The following FGF13 variants were observed in gnomAD, a reference collection of about 807,000 sequenced individuals.
The protein encoded by FGF13 is fibroblast growth factor 13, also known as fibroblast growth factor homologous factor 2.
A neutral mutation model predicts 19.5 loss-of-function variants in FGF13; 2 were observed. That is an observed-to-expected ratio of 0.10 (90% CI 0.04 to 0.32). FGF13 has a LOEUF of 0.32. FGF13 is among the 10% of genes least tolerant of loss of function. The pLI, the probability that FGF13 is intolerant of heterozygous loss-of-function variation, is 1.00. For missense variants in FGF13, 113 were observed against 192.7 expected (o/e 0.59, Z 2.45); for synonymous variants, 72 against 76.9 (o/e 0.94, Z 0.33).
intron 3 of FGF13, among the ~76,000 whole-genome samples, chrX:138,845,221 T>G (rs183179955): frequency 1.8e-5 from 2 of 111,835 alleles, no homozygotes; most frequent in East Asian, 5.7e-4. Context: ...GTTCTAAGTC[T>G]GCTTTCCTGC....
chrX:138,692,720 ATGTG>A (rs780289338), intron 3 of FGF13, among the ~76,000 whole-genome samples: 4 of 108,655 alleles, frequency 3.7e-5, no homozygotes, highest in African/African-American at 1.3e-4. Flanking sequence ...GCATGTGTGT[ATGTG>A]TGTGTGTGTG....
chrX:139,102,323 A>G (rs1006785504), intron 1 of FGF13, among the ~76,000 whole-genome samples: 1 of 111,634 alleles, frequency 9.0e-6, no homozygotes, highest in Non-Finnish European at 1.9e-5. Context: ...CTGCAAAATG[A>G]GAATGATGCT....
chrX:138,837,741 G>A (rs1365240200), intron 3 of FGF13, among the ~76,000 whole-genome samples: 1 of 111,870 alleles, frequency 8.9e-6, no homozygotes, highest in Non-Finnish European at 1.9e-5. Flanking sequence ...GCTGCACTGT[G>A]CTGGGGTACT....
chrX:139,122,686 C>T (rs1234347845), intron 1 of FGF13, among the ~76,000 whole-genome samples: 1 of 111,437 alleles, frequency 9.0e-6, no homozygotes, highest in African/African-American at 3.3e-5. Context: ...TTCTTGATTA[C>T]TCCCATCCAA....
chrX:138,849,563 TA>T (rs1267318668), intron 3 of FGF13, among the ~76,000 whole-genome samples: 5 of 112,001 alleles, frequency 4.5e-5, no homozygotes, highest in Non-Finnish European at 7.5e-5. Flanking sequence ...AGACTTCTAA[TA>T]TCAGGATTGG....
chrX:138,680,351 C>T lies in FGF13; in HGVS notation c.402+22633G>A, dbSNP rs1472734529. ...CTTTTCAGGTTTTCAATTTGCTTTG[C>T]CTGGATCCATCAGAAGAATCACTAT... On this transcript the variant is annotated intron_variant, in intron 3 of 4. Transcript: ENST00000315930. 1.9e-4 allele frequency among the ~76,000 whole-genome samples: 21 copies of T among 112,004 alleles called. No individual in the cohort carries two copies. In the Admixed American group the frequency reaches 2.0e-3, roughly 11 times the overall value.
At chrX:139,032,444 G>A (rs2124395288) in intron 1 of FGF13, among the ~76,000 whole-genome samples, 1 of 111,524 alleles carries the variant, frequency 9.0e-6, no homozygotes, top group East Asian at 2.8e-4. Context: ...TGGTCACTGA[G>A]AACCCATTTA....
At chrX:139,171,000 T>A (rs1304745323) in intron 1 of FGF13, among the ~76,000 whole-genome samples, 1 of 111,548 alleles carries the variant, frequency 9.0e-6, no homozygotes, top group Non-Finnish European at 1.9e-5. Context: ...CATGTGCAGA[T>A]CCTACCTATC....
At chrX:139,103,351 G>A (rs895428430) in intron 1 of FGF13, among the ~76,000 whole-genome samples, 1 of 112,190 alleles carries the variant, frequency 8.9e-6, no homozygotes, top group Non-Finnish European at 1.9e-5. Flanking sequence ...GTCATCAAAC[G>A]GAATGAGGTA....
At chrX:138,715,841 G>C (rs1249451447), upstream of FGF13, 1 of 112,309 alleles carries the variant, frequency 8.9e-6, no homozygotes, top group East Asian at 2.8e-4. Flanking sequence ...AGTTATGTGA[G>C]TTATCTGGGC....
chrX:138,779,518 C>T (rs1157691491), intron 3 of FGF13, among the ~76,000 whole-genome samples: 2 of 109,106 alleles, frequency 1.8e-5, no homozygotes, highest in African/African-American at 6.7e-5. Context: ...GTGAAGAATG[C>T]AGAAGCCTCA....
rs140568669 is a variant in FGF13, at chrX:138,951,338, T to A, written c.-112-86688A>T. 6.7e-3 allele frequency among the ~76,000 whole-genome samples: 746 copies of A among 111,780 alleles called. 6 individuals are homozygous for A. The highest frequency in any genetic ancestry group is 0.023 in the African/African-American group (714 of 30,800). Reference sequence around the variant, plus strand: ...CTCTCGAAGAAAACAAAGAAGAATATCTTCATGACCTTGGAGTTGGCAAAT... The same window carrying A: ...CTCTCGAAGAAAACAAAGAAGAATAACTTCATGACCTTGGAGTTGGCAAAT... On this transcript the variant is annotated intron_variant, in intron 1 of 2. Coordinates refer to the FGF13 transcript ENST00000421460.
At chrX:139,167,901 A>AAC (rs1184625410) in intron 1 of FGF13, among the ~76,000 whole-genome samples, 2 of 112,228 alleles carry the variant, frequency 1.8e-5, no homozygotes, top group Non-Finnish European at 3.8e-5. Context: ...AACTATAACA[A>AAC]TGCAACTTTA....
At chrX:138,640,888 TG>T (rs2089243476) in intron 3 of FGF13, among the ~76,000 whole-genome samples, 1 of 111,800 alleles carries the variant, frequency 8.9e-6, no homozygotes, top group East Asian at 2.8e-4. Flanking sequence ...CTCAGCAGGA[TG>T]GGAGGCTTTG....
At chrX:139,204,617 C>G (rs1488477438), upstream of FGF13, among the ~76,000 whole-genome samples, 1 of 112,976 alleles carries the variant, frequency 8.9e-6, no homozygotes, top group Non-Finnish European at 1.9e-5. Context: ...CAATCCGCTG[C>G]GGGCCGCCAA....
rs1003609543 is a variant in FGF13 at position 138,622,170 on chromosome X, C to T, written c.*10680G>A. On this transcript the variant is annotated 3_prime_UTR_variant, in exon 5 of 5. Coordinates refer to ENST00000315930, the MANE Select transcript of FGF13 (RefSeq NM_004114.5). ...TACAAGAAAAAAAAGGAATACAGTC[C>T]CAAATCCCTGTTGAACATAGATGCA... The T allele has an allele frequency of 1.8e-5, 2 of 110,702 alleles. No individual in the cohort carries two copies. The highest frequency in any genetic ancestry group is 3.3e-5 in the African/African-American group (1 of 30,443). 9.1% of individuals were successfully genotyped at this position (110,702 alleles called of 1,213,427 possible). A position where few individuals can be genotyped will look rare whatever the true frequency, so the allele number is the denominator to read the frequency against.
At chrX:138,915,265 C>A (rs770664013) in intron 1 of FGF13, among the ~76,000 whole-genome samples, 1 of 111,836 alleles carries the variant, frequency 8.9e-6, no homozygotes, top group East Asian at 2.8e-4. Context: ...CCCAAAGAAA[C>A]CACTGGAACT....
intron 3 of FGF13, among the ~76,000 whole-genome samples, chrX:138,668,786 G>A (rs1342267078): frequency 9.0e-6 from 1 of 110,653 alleles, no homozygotes; most frequent in Non-Finnish European, 1.9e-5. Flanking sequence ...CAGAGAAAAA[G>A]CAGTGTTGTG....
At chrX:139,123,456 G>A (rs2083692765) in intron 1 of FGF13, among the ~76,000 whole-genome samples, 1 of 111,277 alleles carries the variant, frequency 9.0e-6, no homozygotes, top group African/African-American at 3.3e-5. Context: ...CAGATGCTTT[G>A]TACTTACTCT....
Sources: gnomAD v4.1 joint callset for allele counts (sites outside exome capture counted in the v4.1 genomes callset) on GRCh38, gnomAD v4.1.1 for gene constraint, MANE v1.5 for transcripts, NCBI Gene and HGNC (gene_info 2026-07-23, HGNC 2026-07-21) for gene names.